FOCAD: variants seen among roughly 807,000 people sequenced by gnomAD.
FOCAD encodes the protein KIAA1797.
A neutral mutation model predicts 225.6 loss-of-function variants in FOCAD; 198 were observed. The observed-to-expected ratio is 0.88, with a 90% CI of 0.78 to 0.99. FOCAD has a LOEUF of 0.99. FOCAD is among the 50% of genes least tolerant of loss of function. The probability of loss-of-function intolerance (pLI) is 0.00; values close to 1 mark genes in which losing one functional copy is unlikely to be tolerated. For missense variants in FOCAD, 2,713 were observed against 2,123.6 expected (o/e 1.28, Z -5.46); for synonymous variants, 897 against 755.0 (o/e 1.19, Z -3.08).
intron 19 of FOCAD, among the ~76,000 whole-genome samples, chr9:20,876,491 G>A (rs927193518): frequency 6.6e-6 from 1 of 152,140 alleles, no homozygotes; most frequent in Non-Finnish European, 1.5e-5. Context: ...AGAATGTGCA[G>A]TGCTATGATG....
chr9:20,895,921 G>A (rs190913474), intron 21 of FOCAD, among the ~76,000 whole-genome samples: 7 of 152,016 alleles, frequency 4.6e-5, no homozygotes, highest in Admixed American at 4.6e-4. Flanking sequence ...AAAAAGAATA[G>A]TGAGAGAGGA....
At chr9:20,865,280 T>C (rs1332698997) in intron 16 of FOCAD, among the ~76,000 whole-genome samples, 1 of 152,074 alleles carries the variant, frequency 6.6e-6, no homozygotes, top group Non-Finnish European at 1.5e-5. Context: ...AATATACTGT[T>C]GCTTCCCATT....
rs140960364 is a variant in FOCAD at position 20,817,572 on chromosome 9, T to TA, written c.1456-2224_1456-2223insA. Among the ~76,000 whole-genome samples the TA allele has an allele frequency of 4.1e-3, 626 of 152,234 alleles. 4 individuals are homozygous for TA. Among genetic ancestry groups the TA allele is most frequent in the African/African-American group, 0.014 (587 of 41,548 alleles). On this transcript the variant is annotated intron_variant, in intron 11 of 43. Transcript: ENST00000338382. ...GTTGTGTGGTTATATTGTATTTTGT[T>TA]TATTTATTCGTCAGTTGATGGGCAT...
At chr9:20,792,563 G>A (rs376153102) in intron 11 of FOCAD, among the ~76,000 whole-genome samples, 2 of 152,190 alleles carry the variant, frequency 1.3e-5, no homozygotes, top group African/African-American at 4.8e-5. Context: ...GGAAGTGGCA[G>A]TAGAGTCATG....
At chr9:20,897,304 T>G (rs1322845826) in intron 21 of FOCAD, among the ~76,000 whole-genome samples, 1 of 151,834 alleles carries the variant, frequency 6.6e-6, no homozygotes, top group African/African-American at 2.4e-5. Context: ...AGATTTCTTG[T>G]AGACAACATG....
chr9:20,704,449 C>T (rs1471096008), intron 1 of FOCAD, among the ~76,000 whole-genome samples: 1 of 152,134 alleles, frequency 6.6e-6, no homozygotes, highest in African/African-American at 2.4e-5. Flanking sequence ...CACTTTGCAA[C>T]AATCAAAAAT....
chr9:20,973,968 G>GT (rs1407273573), intron 35 of FOCAD, among the ~76,000 whole-genome samples: 1 of 99,938 alleles, frequency 1.0e-5, no homozygotes, highest in Non-Finnish European at 2.2e-5. Context: ...TTCTGTAGCT[G>GT]TTTTTTTCCT....
chr9:20,977,608 C>A (rs1840332408), intron 36 of FOCAD, among the ~76,000 whole-genome samples: 1 of 152,172 alleles, frequency 6.6e-6, no homozygotes, highest in South Asian at 2.1e-4. Context: ...GCTGTGAGTG[C>A]TCTATCATTT....
chr9:20,888,234 G>A (rs2131884368), intron 21 of FOCAD, among the ~76,000 whole-genome samples: 1 of 150,758 alleles, frequency 6.6e-6, no homozygotes, highest in South Asian at 2.1e-4. Context: ...CGCCTCCTGG[G>A]CTCAAGCGAT....
At chr9:20,990,062 A>C in intron 41 of FOCAD, 61 bp from the exon 42 acceptor site, 1 of 1,597,126 alleles carries the variant, frequency 6.3e-7, no homozygotes. Context: ...GTGTATGTGA[A>C]CATGTGTTAC....
At chr9:20,749,002 T>C (rs1300141346) in intron 5 of FOCAD, among the ~76,000 whole-genome samples, 1 of 152,142 alleles carries the variant, frequency 6.6e-6, no homozygotes, top group African/African-American at 2.4e-5. Context: ...CCTATTATCC[T>C]ATTTGTTTGT....
intron 39 of FOCAD, among the ~76,000 whole-genome samples, chr9:20,983,062 G>C (rs1208924166): frequency 6.6e-6 from 1 of 152,164 alleles, no homozygotes; most frequent in Non-Finnish European, 1.5e-5. Context: ...TATTCAATCA[G>C]ATCCTTGAAT....
intron 35 of FOCAD, among the ~76,000 whole-genome samples, chr9:20,956,795 A>G (rs533527193): frequency 1.3e-5 from 2 of 152,018 alleles, no homozygotes; most frequent in Non-Finnish European, 2.9e-5. Context: ...AGCTATTATC[A>G]TTTCTGGATA....
At chr9:20,861,118 T>C (rs1364434123) in intron 15 of FOCAD, among the ~76,000 whole-genome samples, 1 of 152,226 alleles carries the variant, frequency 6.6e-6, no homozygotes, top group African/African-American at 2.4e-5. Flanking sequence ...CATTGACTTA[T>C]TATCCTCCAT....
chr9:20,811,818 TATC>T (rs33950751), intron 11 of FOCAD, among the ~76,000 whole-genome samples: 53,191 of 151,638 alleles, frequency 0.35, 9,534 homozygotes, highest in East Asian at 0.47. Context: ...CTTAATCACT[TATC>T]ATGTCATTTT....
At chr9:20,990,421 C>A (rs751966261) in intron 42 of FOCAD, 47 bp downstream of exon 42, 1 of 1,599,396 alleles carries the variant, frequency 6.3e-7, no homozygotes, top group East Asian at 2.3e-5. Flanking sequence ...GCCATTGTCT[C>A]TTCAGCAGTT....
intron 29 of FOCAD, 121 bp downstream of exon 29, chr9:20,944,895 T>A: frequency 9.2e-7 from 1 of 1,092,638 alleles, no homozygotes; most frequent in Non-Finnish European, 1.3e-6. Flanking sequence ...AAAGAGAAAA[T>A]CTGAATGACA....
At chr9:20,767,908 TG>T (rs1476279205) in intron 7 of FOCAD, among the ~76,000 whole-genome samples, 1 of 152,188 alleles carries the variant, frequency 6.6e-6, no homozygotes, top group African/African-American at 2.4e-5. Context: ...CCCATGCCTA[TG>T]TCCTGAATGG....
chr9:20,768,439 T>C (rs1309846669), intron 7 of FOCAD, among the ~76,000 whole-genome samples: 3 of 152,066 alleles, frequency 2.0e-5, no homozygotes, highest in Admixed American at 1.3e-4. Flanking sequence ...TTTCACGATA[T>C]TGATTCTTCC....
Sources: allele counts gnomAD v4.1 joint callset (sites outside exome capture counted in the v4.1 genomes callset), GRCh38; gene constraint gnomAD v4.1.1; transcripts MANE v1.5; gene names NCBI Gene and HGNC (gene_info 2026-07-23, HGNC 2026-07-21).